Variants in ROBO2 observed in about 807,000 individuals in gnomAD.
ROBO2 encodes roundabout homolog 2.
ROBO2 carries 53 observed loss-of-function variants against 160.8 expected under a neutral mutation model. That is an observed-to-expected ratio of 0.33 (90% CI 0.26 to 0.41). ROBO2 has a LOEUF of 0.41. ROBO2 is among the 10% of genes least tolerant of loss of function. The pLI, the probability that ROBO2 is intolerant of heterozygous loss-of-function variation, is 1.00. For missense variants in ROBO2, 1,577 were observed against 1,722.4 expected, an observed-to-expected ratio of 0.92 and a Z score of 1.49; for synonymous variants, 664 against 611.7, an observed-to-expected ratio of 1.09 and a Z score of -1.26.
At chr3:76,526,778 G>A (rs1014156581) in intron 2 of ROBO2, among the ~76,000 whole-genome samples, 2 of 151,964 alleles carry the variant, frequency 1.3e-5, no homozygotes, top group Non-Finnish European at 1.5e-5. Flanking sequence ...CATGATTAAT[G>A]TCCTACATAA....
intron 2 of ROBO2, among the ~76,000 whole-genome samples, chr3:76,928,570 C>T (rs889947816): frequency 3.3e-5 from 5 of 151,714 alleles, no homozygotes; most frequent in African/African-American, 1.2e-4. Context: ...CAGCCAATGT[C>T]TATGGGTGAT....
chr3:77,612,399 G>A (rs112787059), intron 21 of ROBO2, among the ~76,000 whole-genome samples: 1,587 of 152,214 alleles, frequency 0.01, 33 homozygotes, highest in African/African-American at 0.036. Flanking sequence ...GGATTAAGAC[G>A]TGAACACCAT....
chr3:76,228,401 C>A (rs1208882506), intron 2 of ROBO2, among the ~76,000 whole-genome samples: 1 of 152,030 alleles, frequency 6.6e-6, no homozygotes, highest in Non-Finnish European at 1.5e-5. Flanking sequence ...TCATTAAATC[C>A]TAAACACTTT....
At chr3:77,059,148 A>T (rs1005236245) in intron 1 of ROBO2, among the ~76,000 whole-genome samples, 1 of 152,146 alleles carries the variant, frequency 6.6e-6, no homozygotes, top group Non-Finnish European at 1.5e-5. Context: ...TCCCTGGGGA[A>T]GTAACAATTA....
intron 2 of ROBO2, among the ~76,000 whole-genome samples, chr3:76,023,232 G>T (rs1050176111): frequency 6.6e-6 from 1 of 151,606 alleles, no homozygotes; most frequent in African/African-American, 2.4e-5. Flanking sequence ...ATTCTTTATC[G>T]TTCATTTGTT....
rs118009509 is a variant in ROBO2, at chr3:76,170,652, C to A, written c.109+233050C>A. Among the ~76,000 whole-genome samples, 177 of 152,218 alleles carry A rather than the reference C, an allele frequency of 1.2e-3. 4 individuals are homozygous for A. The East Asian group carries it at 0.029, about 25-fold the overall frequency. On this transcript the variant is annotated intron_variant, in intron 2 of 26. Transcript: ENST00000487694. Reference sequence around the variant, plus strand: ...TACTTTTTTCATCTAAGATGTTTATCTGCACTTGAAAAATGAGAATAGTAA... The same window carrying A: ...TACTTTTTTCATCTAAGATGTTTATATGCACTTGAAAAATGAGAATAGTAA...
At chr3:77,593,288 T>C (rs2094221215) in intron 17 of ROBO2, among the ~76,000 whole-genome samples, 1 of 152,082 alleles carries the variant, frequency 6.6e-6, no homozygotes, top group Non-Finnish European at 1.5e-5. Context: ...TCACATTGCA[T>C]GTGTACTAAT....
At chr3:75,909,910 C>A (rs1188239483) in intron 1 of ROBO2, among the ~76,000 whole-genome samples, 3 of 152,138 alleles carry the variant, frequency 2.0e-5, no homozygotes, top group African/African-American at 7.2e-5. Flanking sequence ...CATTCCTGAG[C>A]AAGAGGGCTT....
intron 1 of ROBO2, 49 bp from the exon 2 acceptor site, chr3:77,097,965 T>G: frequency 6.9e-7 from 1 of 1,442,632 alleles, no homozygotes; most frequent in Non-Finnish European, 9.2e-7. Context: ...AACCGAGGGT[T>G]TAGATAAGGA....
chr3:77,040,201 G>C (rs1035229704), exon 1 of ROBO2: 1 of 986,554 alleles, frequency 1.0e-6, no homozygotes, highest in Non-Finnish European at 1.2e-6. Context: ...CAAAGGAGAG[G>C]CCCGCCAAGT....
intron 2 of ROBO2, among the ~76,000 whole-genome samples, chr3:76,107,127 A>T: frequency 6.6e-6 from 1 of 152,130 alleles, no homozygotes; most frequent in East Asian, 1.9e-4. Context: ...TCACAATAAA[A>T]TGAGAAGATG....
At chr3:77,270,916 C>A (rs1198118186) in intron 2 of ROBO2, among the ~76,000 whole-genome samples, 2 of 149,804 alleles carry the variant, frequency 1.3e-5, no homozygotes, top group African/African-American at 4.9e-5. Context: ...GTGCTTCAGC[C>A]TGGGCGACAG....
At chr3:76,753,799 G>T (rs905925261) in intron 2 of ROBO2, among the ~76,000 whole-genome samples, 1 of 151,792 alleles carries the variant, frequency 6.6e-6, no homozygotes, top group Admixed American at 6.6e-5. Flanking sequence ...GCTGCTCTTA[G>T]CATTACAGGC....
At chr3:76,054,187 C>T (rs1404737304) in intron 2 of ROBO2, among the ~76,000 whole-genome samples, 68 of 152,008 alleles carry the variant, frequency 4.5e-4, no homozygotes, top group Non-Finnish European at 2.5e-4. Context: ...CTATCATGAA[C>T]GAATCCTGAT....
intron 2 of ROBO2, among the ~76,000 whole-genome samples, chr3:76,722,409 C>G (rs541588684): frequency 9.2e-5 from 14 of 152,202 alleles, no homozygotes; most frequent in Admixed American, 9.2e-4. Flanking sequence ...CGTGAACCAC[C>G]GCACCTGGCC....
At chr3:77,077,838 G>T (rs139438836) in intron 1 of ROBO2, among the ~76,000 whole-genome samples, 2 of 152,132 alleles carry the variant, frequency 1.3e-5, no homozygotes, top group Non-Finnish European at 2.9e-5. Flanking sequence ...TCATTCCTGG[G>T]TATTCTAGAA....
chr3:76,327,213 A>G (rs1298978700), intron 2 of ROBO2, among the ~76,000 whole-genome samples: 1 of 152,122 alleles, frequency 6.6e-6, no homozygotes, highest in East Asian at 1.9e-4. Context: ...AATAGTTTAG[A>G]AAAGTATCTA....
intron 2 of ROBO2, among the ~76,000 whole-genome samples, chr3:76,708,932 G>A (rs1576141442): frequency 6.6e-6 from 1 of 152,312 alleles, no homozygotes; most frequent in South Asian, 2.1e-4. Context: ...TGGGACATGA[G>A]AATCACTGGG....
At chr3:76,260,402 G>A (rs1280511440) in intron 2 of ROBO2, among the ~76,000 whole-genome samples, 2 of 151,980 alleles carry the variant, frequency 1.3e-5, no homozygotes, top group East Asian at 1.9e-4. Flanking sequence ...TACAATGATC[G>A]GTGATATTAC....
Sources: gnomAD v4.1 joint callset for allele counts (sites outside exome capture counted in the v4.1 genomes callset) on GRCh38, gnomAD v4.1.1 for gene constraint, MANE v1.5 for transcripts, NCBI Gene and HGNC (gene_info 2026-07-23, HGNC 2026-07-21) for gene names.